CFAP100: variants seen among roughly 807,000 people sequenced by gnomAD.
The protein encoded by CFAP100 is cilia and flagella associated protein 100.
CFAP100 carries 70 observed loss-of-function variants against 81.5 expected under a neutral mutation model. The ratio of observed to expected loss-of-function variants is 0.86; its 90% CI spans 0.71 to 1.05. The LOEUF is 1.05. CFAP100 is among the 50% of genes least tolerant of loss of function. The pLI is 0.00. For missense variants in CFAP100, 811 were observed against 776.5 expected, an observed-to-expected ratio of 1.04 and a Z score of -0.53; for synonymous variants, 341 against 314.8, an observed-to-expected ratio of 1.08 and a Z score of -0.88.
At chr3:126,434,518 T>C (rs13099144) in intron 15 of CFAP100, 137 bp downstream of exon 15, 288,219 of 814,414 alleles carry the variant, frequency 0.35, 51,506 homozygotes, top group East Asian at 0.44. Context: ...CAAAAGCCCA[T>C]GTCTTGGGGG....
chr3:126,423,546 G>A lies in CFAP100; in HGVS notation c.1188G>A (p.Glu396=). 1 of 1,614,202 alleles carries A rather than the reference G, an allele frequency of 6.2e-7. No individual in the cohort carries two copies. ...EPQQLLDVFR[E]LEEQNLSLIQ... is the part of the protein sequence containing the mutation. ...AGCAGCTCCTGGATGTCTTCCGAGA[G>A]CTGGAGGAGCAGAACCTGTCGCTGA... Residue 396 remains glutamate (E), a synonymous_variant, in exon 13 of 17, where the codon GAG becomes GAA. Transcript: ENST00000352312.
rs571753744 is a variant in CFAP100 at position 126,407,127 on chromosome 3, G to A, written c.50-45G>A. On this transcript the variant is annotated intron_variant, in intron 2 of 16. Coordinates refer to ENST00000352312, the MANE Select transcript of CFAP100 (RefSeq NM_182628.3). Reference sequence around the variant, plus strand: ...CAGGCTGTGTTCACAGTTCTCATGGGCCAGGGGAGTCACTGCTGCGGCCCT... The same window carrying A: ...CAGGCTGTGTTCACAGTTCTCATGGACCAGGGGAGTCACTGCTGCGGCCCT... 5.0e-6 allele frequency: 7 copies of A among 1,389,668 alleles called. No individual in the cohort carries two copies. In the East Asian group the frequency reaches 1.6e-4, roughly 32 times the overall value. 86.1% of individuals were successfully genotyped at this position (1,389,668 alleles called of 1,614,324 possible). A position where few individuals can be genotyped will look rare whatever the true frequency, so the allele number is the denominator to read the frequency against.
chr3:126,407,356 A>C, intron 3 of CFAP100, 104 bp downstream of exon 3: 1 of 644,460 alleles, frequency 1.6e-6, no homozygotes, highest in Non-Finnish European at 2.7e-6. Context: ...TAAGGGCAGA[A>C]GGAAATGTTT....
chr3:126,395,617 C>T (rs960220287), intron 1 of CFAP100, among the ~76,000 whole-genome samples: 7 of 152,144 alleles, frequency 4.6e-5, no homozygotes, highest in African/African-American at 1.7e-4. Context: ...TGAGAGGTCT[C>T]TCTAAAGAGG....
intron 2 of CFAP100, among the ~76,000 whole-genome samples, chr3:126,396,329 C>G (rs2082888745): frequency 6.6e-6 from 1 of 152,178 alleles, no homozygotes; most frequent in South Asian, 2.1e-4. Context: ...TCCAAGGGCT[C>G]TGAGCGAGAA....
At position 126,423,474 on chromosome 3, in the gene CFAP100, C is replaced by T. The variant is rs758512408; in HGVS notation, c.1135-19C>T. ...GGCTCTGTCCCTGTCCAGTCCCTGC[C>T]AAAACCTGTGGGTTGCAGGAACCAC... On this transcript the variant is annotated intron_variant, in intron 12 of 16. Transcript: ENST00000352312. 2.4e-5 allele frequency: 38 copies of T among 1,613,816 alleles called. No individual in the cohort carries two copies. In the African/African-American group the frequency reaches 2.7e-4, roughly 11 times the overall value.
intron 13 of CFAP100, among the ~76,000 whole-genome samples, chr3:126,428,844 C>T (rs1014653223): frequency 3.3e-5 from 5 of 152,026 alleles, no homozygotes; most frequent in East Asian, 1.9e-4. Context: ...TGGTGGCTCA[C>T]GCCTGTAATC....
intron 3 of CFAP100, 31 bp from the exon 4 acceptor site, chr3:126,414,054 C>T: frequency 2.6e-6 from 4 of 1,525,852 alleles, no homozygotes; most frequent in Non-Finnish European, 3.6e-6. Flanking sequence ...AGAGCTGGCT[C>T]CCCTTTCCAG....
intron 15 of CFAP100, 195 bp downstream of exon 15, chr3:126,434,576 T>G: frequency 5.2e-6 from 3 of 576,372 alleles, no homozygotes; most frequent in Admixed American, 3.2e-5. Flanking sequence ...AGGGAAAGCT[T>G]CCTAGAGCAA....
chr3:126,414,543 G>C (rs2083204371), intron 4 of CFAP100, among the ~76,000 whole-genome samples: 1 of 152,146 alleles, frequency 6.6e-6, no homozygotes, highest in Non-Finnish European at 1.5e-5. Context: ...GCCCTCACAG[G>C]CCCTCTCCCA....
chr3:126,409,224 T>G (rs1275098087), intron 3 of CFAP100, among the ~76,000 whole-genome samples: 1 of 152,182 alleles, frequency 6.6e-6, no homozygotes, highest in Non-Finnish European at 1.5e-5. Context: ...AACCACTGGC[T>G]CTCCTCTCCA....
intron 2 of CFAP100, among the ~76,000 whole-genome samples, chr3:126,400,698 G>A (rs1319592125): frequency 2.0e-5 from 3 of 152,078 alleles, no homozygotes; most frequent in Non-Finnish European, 4.4e-5. Context: ...CTTGCAGTGA[G>A]CCAAGATTGC....
chr3:126,435,738 T>C, intron 16 of CFAP100, 86 bp downstream of exon 16: 1 of 1,086,098 alleles, frequency 9.2e-7, no homozygotes, highest in Non-Finnish European at 1.4e-6. Flanking sequence ...AAGCCCCTGA[T>C]GCTACCACTC....
At chr3:126,417,535 G>T (rs531998298) in intron 5 of CFAP100, among the ~76,000 whole-genome samples, 2 of 152,330 alleles carry the variant, frequency 1.3e-5, no homozygotes, top group Admixed American at 1.3e-4. Flanking sequence ...GGAGAGGCAG[G>T]CAGGGGGAAT....
intron 3 of CFAP100, among the ~76,000 whole-genome samples, chr3:126,409,030 G>A (rs1206314925): frequency 6.6e-6 from 1 of 152,146 alleles, no homozygotes; most frequent in Non-Finnish European, 1.5e-5. Flanking sequence ...CTCAATCAGT[G>A]CTTCAGCCTC....
chr3:126,411,838 T>G (rs2083161455), intron 3 of CFAP100, among the ~76,000 whole-genome samples: 1 of 152,226 alleles, frequency 6.6e-6, no homozygotes, highest in South Asian at 2.1e-4. Context: ...ACACAGATTT[T>G]ATTTTTTCAA....
intron 11 of CFAP100, among the ~76,000 whole-genome samples, chr3:126,422,173 A>G (rs1401372296): frequency 2.0e-5 from 3 of 152,190 alleles, no homozygotes; most frequent in South Asian, 2.1e-4. Context: ...ATGCCCACCA[A>G]CCGCCAGGTC....
chr3:126,407,401 A>C, intron 3 of CFAP100, 149 bp downstream of exon 3: 1 of 554,936 alleles, frequency 1.8e-6, no homozygotes, highest in Non-Finnish European at 3.2e-6. Context: ...ACTTGAAATA[A>C]CAGGCATGTA....
Position 126,423,648 on chromosome 3 carries a change from G to C in CFAP100, c.1286+4G>C, listed in dbSNP as rs764447472. On this transcript the variant is annotated splice_donor_region_variant and intron_variant, in intron 13 of 16. Coordinates refer to ENST00000352312, the MANE Select transcript of CFAP100 (RefSeq NM_182628.3). ...TGAAACACACCCAGATCCGCATGTA[G>C]GTGCTATGCGGTGGCCAGTGGGGGC... 6.2e-7 allele frequency: 1 copy of C among 1,614,126 alleles called. No individual in the cohort carries two copies. The highest frequency in any genetic ancestry group is 2.2e-5 in the East Asian group (1 of 44,884).
Sources: allele counts gnomAD v4.1 joint callset (sites outside exome capture counted in the v4.1 genomes callset), GRCh38; gene constraint gnomAD v4.1.1; transcripts MANE v1.5; gene names NCBI Gene and HGNC (gene_info 2026-07-23, HGNC 2026-07-21).